The following PCDHGA3 variants were observed in gnomAD, a reference collection of about 807,000 sequenced individuals.
PCDHGA3 encodes the protein protocadherin gamma-A3.
Under a neutral mutation model 58.5 loss-of-function variants are expected in PCDHGA3, and 40 were observed. That is an observed-to-expected ratio of 0.68 (90% CI 0.53 to 0.89). The LOEUF (loss-of-function observed/expected upper bound fraction) is 0.89, where lower values mean the gene tolerates loss of function less well. Among genes scored for constraint, PCDHGA3 ranks in the 40% least tolerant of loss-of-function variants. The probability of loss-of-function intolerance (pLI) is 0.00; values close to 1 mark genes in which losing one functional copy is unlikely to be tolerated. For missense variants in PCDHGA3, 1,223 were observed against 1,195.9 expected (o/e 1.02, Z -0.33); for synonymous variants, 530 against 525.7 (o/e 1.01, Z -0.11).
intron 1 of PCDHGA3, chr5:141,427,783 C>T (rs765131117): frequency 1.4e-6 from 2 of 1,460,966 alleles, no homozygotes; most frequent in Non-Finnish European, 1.9e-6. Flanking sequence ...CGGGCACTGT[C>T]GTCCTACGTG....
intron 1 of PCDHGA3, chr5:141,420,931 AATC>A: frequency 2.7e-6 from 1 of 369,128 alleles, no homozygotes; most frequent in African/African-American, 2.1e-5. Context: ...AGGTGAGCGT[AATC>A]ATTTCTTCTG....
intron 1 of PCDHGA3, among the ~76,000 whole-genome samples, chr5:141,353,727 G>A (rs1041652885): frequency 3.9e-5 from 6 of 151,998 alleles, no homozygotes; most frequent in African/African-American, 1.5e-4. Context: ...AGATTTCTGA[G>A]GAATTAGTTA....
At chr5:141,436,707 T>C (rs985035872) in intron 1 of PCDHGA3, among the ~76,000 whole-genome samples, 18 of 152,208 alleles carry the variant, frequency 1.2e-4, no homozygotes, top group African/African-American at 4.3e-4. Context: ...GCACACTCGA[T>C]GTTCTGTTGG....
chr5:141,488,095 A>G (rs78361634), intron 1 of PCDHGA3, among the ~76,000 whole-genome samples: 8,142 of 152,146 alleles, frequency 0.054, 446 homozygotes, highest in African/African-American at 0.15. Flanking sequence ...CTGTGAAGGG[A>G]CCTCTCTATT....
Position 141,490,637 on chromosome 5 carries a change from A to C in PCDHGA3, c.2425-4170A>C. ...CTTTACACTGCTTACATCCTAGAAA[A>C]CCGGCCTCCGGGCTCCCTTCTTTGC... is the stretch of plus-strand genomic sequence containing the variant. On this transcript the variant is annotated intron_variant, in intron 1 of 3. Coordinates refer to ENST00000253812, the MANE Select transcript of PCDHGA3 (RefSeq NM_018916.4). This position sits in a 1 kb window ranked among gnomAD's most constrained non-coding sequence, Gnocchi z 5.4. 1 of 1,614,108 alleles carries C rather than the reference A, an allele frequency of 6.2e-7. No individual in the cohort carries two copies. Among genetic ancestry groups the C allele is most frequent in the Non-Finnish European group, 8.5e-7 (1 of 1,179,992 alleles).
At chr5:141,460,341 C>T (rs557699438) in intron 1 of PCDHGA3, among the ~76,000 whole-genome samples, 39 of 152,110 alleles carry the variant, frequency 2.6e-4, no homozygotes, top group Admixed American at 2.4e-3. Flanking sequence ...ATGATTTTCT[C>T]CTATATTTTC....
rs139832920 is a variant in PCDHGA3, at chr5:141,432,866, G to T, written c.2425-61941G>T. On this transcript the variant is annotated intron_variant, in intron 1 of 3. Coordinates refer to ENST00000253812, the MANE Select transcript of PCDHGA3 (RefSeq NM_018916.4). This position sits in a 1 kb window ranked among gnomAD's most constrained non-coding sequence, Gnocchi z 6.0. ...GGTAGCGGTGGCCGCGGTCTCCTGC[G>T]TCTTCCTGGCCTTCGTCATCTTGCT... The T allele has an allele frequency of 1.9e-6, 3 of 1,614,034 alleles. No individual in the cohort carries two copies. The African/African-American group carries it at 4.0e-5, about 22-fold the overall frequency.
chr5:141,428,304 G>C, intron 1 of PCDHGA3: 1 of 695,706 alleles, frequency 1.4e-6, no homozygotes, highest in South Asian at 1.6e-5. Flanking sequence ...AGATTTACCT[G>C]GTCGTGGCCT....
At chr5:141,388,207 C>T (rs1374751231) in intron 1 of PCDHGA3, 1 of 1,578,332 alleles carries the variant, frequency 6.3e-7, no homozygotes, top group Admixed American at 1.7e-5. Flanking sequence ...GAATTTGAGG[C>T]TGTTGCTGAA....
intron 1 of PCDHGA3, chr5:141,385,519 T>C (rs1781250310): frequency 2.9e-6 from 4 of 1,366,410 alleles, no homozygotes; most frequent in Admixed American, 3.4e-5. Flanking sequence ...TGAAAGCCTA[T>C]GGACAAGATT....
intron 1 of PCDHGA3, among the ~76,000 whole-genome samples, chr5:141,461,782 TAG>T (rs2099022757): frequency 6.6e-6 from 1 of 152,086 alleles, no homozygotes; most frequent in South Asian, 2.1e-4. Context: ...GCCTCCCAAG[TAG>T]CTGGGATTAC....
At chr5:141,387,666 A>C (rs1286333740) in intron 1 of PCDHGA3, 1 of 683,200 alleles carries the variant, frequency 1.5e-6, no homozygotes, top group African/African-American at 1.8e-5. Flanking sequence ...TTGGCGCTCC[A>C]GATCTCCTCG....
chr5:141,395,096 C>T (rs769366827), intron 1 of PCDHGA3: 4 of 1,614,068 alleles, frequency 2.5e-6, no homozygotes, highest in African/African-American at 2.7e-5. Flanking sequence ...CCCTCACCGC[C>T]GACTCGCGGA....
chr5:141,483,255 GTTTT>G (rs147039946), intron 1 of PCDHGA3, among the ~76,000 whole-genome samples: 7,425 of 152,114 alleles, frequency 0.049, 355 homozygotes, highest in African/African-American at 0.13. Context: ...ATATCATGAG[GTTTT>G]TTTGTTTTAG....
At chr5:141,364,973 T>G (rs752099711) in intron 1 of PCDHGA3, 1 of 1,613,760 alleles carries the variant, frequency 6.2e-7, no homozygotes, top group Non-Finnish European at 8.5e-7. Flanking sequence ...CCTCACAGCT[T>G]TAGATGGCGG....
chr5:141,490,010 T>C lies in PCDHGA3; in HGVS notation c.2425-4797T>C, dbSNP rs749356078. On this transcript the variant is annotated intron_variant, in intron 1 of 3. Coordinates refer to ENST00000253812, the MANE Select transcript of PCDHGA3 (RefSeq NM_018916.4). The surrounding 1 kb of genome is among the most constrained non-coding windows in gnomAD (Gnocchi z 5.4). ...GTGGGAATCCCAGAGAATGCACCCA[T>C]TGGTACTCTGCTGCTCCGCCTCAAT... 11 of 1,614,198 alleles carry C rather than the reference T, an allele frequency of 6.8e-6. No homozygotes were observed. The highest frequency in any genetic ancestry group is 2.2e-5 in the South Asian group (2 of 91,082).
At chr5:141,447,238 C>G (rs1028683423) in intron 1 of PCDHGA3, among the ~76,000 whole-genome samples, 2 of 152,148 alleles carry the variant, frequency 1.3e-5, no homozygotes, top group Non-Finnish European at 2.9e-5. Context: ...CTCCCGGGTT[C>G]AAGTGATTCT....
chr5:141,410,760 A>C, intron 1 of PCDHGA3: 1 of 1,177,482 alleles, frequency 8.5e-7, no homozygotes. Context: ...ATGTTTTTTC[A>C]ATTATAGTTT....
intron 1 of PCDHGA3, chr5:141,412,147 G>C (rs1447265509): frequency 6.6e-6 from 1 of 152,176 alleles, no homozygotes; most frequent in East Asian, 1.9e-4. Context: ...GATACAAACT[G>C]CCTAAGAGAA....
Sources: gnomAD v4.1 joint callset for allele counts (sites outside exome capture counted in the v4.1 genomes callset) on GRCh38, gnomAD v4.1.1 for gene constraint, Gnocchi (gnomAD v3.1) non-coding constraint, MANE v1.5 for transcripts, NCBI Gene and HGNC (gene_info 2026-07-23, HGNC 2026-07-21) for gene names.